Variants in PCDHA7 observed in about 807,000 individuals in gnomAD.
The protein encoded by PCDHA7 is protocadherin alpha 7.
A neutral mutation model predicts 57.2 loss-of-function variants in PCDHA7; 37 were observed. The ratio of observed to expected loss-of-function variants is 0.65; its 90% CI spans 0.50 to 0.85. PCDHA7 has a LOEUF of 0.85. Ranked by LOEUF, PCDHA7 falls within the 40% of genes least tolerant of loss-of-function variation. PCDHA7 has a pLI of 0.00. For synonymous variants in PCDHA7, 553 were observed against 558.8 expected, an observed-to-expected ratio of 0.99 and a Z score of 0.15; for missense variants, 1,188 against 1,241.8, an observed-to-expected ratio of 0.96 and a Z score of 0.65.
chr5:140,854,556 T>C (rs1400864251), intron 1 of PCDHA7: 1 of 150,002 alleles, frequency 6.7e-6, no homozygotes, highest in African/African-American at 2.4e-5. Flanking sequence ...TTCATAAATA[T>C]TGTTGCTCTG....
At chr5:140,863,412 G>A (rs1226445956) in intron 1 of PCDHA7, 2 of 735,306 alleles carry the variant, frequency 2.7e-6, no homozygotes, top group Non-Finnish European at 4.6e-6. Flanking sequence ...CCACGCTGGT[G>A]TACCGCAGCG....
At chr5:140,850,731 G>A (rs1366939358) in intron 1 of PCDHA7, 3 of 1,597,906 alleles carry the variant, frequency 1.9e-6, no homozygotes, top group Non-Finnish European at 2.6e-6. Flanking sequence ...TAGCGCGGTG[G>A]GGAGTTGGTC....
intron 2 of PCDHA7, among the ~76,000 whole-genome samples, chr5:140,979,611 C>T (rs549836811): frequency 5.9e-5 from 9 of 152,266 alleles, no homozygotes; most frequent in South Asian, 2.1e-4. Flanking sequence ...CCTAGAGTAA[C>T]GGTATTAGTC....
chr5:140,941,564 C>T (rs1352264408), intron 1 of PCDHA7, among the ~76,000 whole-genome samples: 2 of 151,992 alleles, frequency 1.3e-5, no homozygotes, highest in Non-Finnish European at 2.9e-5. Flanking sequence ...ATCCATTCGC[C>T]TCAGCCTCCC....
At position 140,940,270 on chromosome 5, in the gene PCDHA7, G is replaced by A. The variant is rs1236320412; in HGVS notation, c.2356-38679G>A. Among the ~76,000 whole-genome samples, 4 of 152,094 alleles carry A rather than the reference G, an allele frequency of 2.6e-5. No homozygotes were observed. In the East Asian group the frequency reaches 7.7e-4, roughly 29 times the overall value. ...TCCTCAATATCTTCTGGGTTCCACT[G>A]TTGTCTCATTGTGCTGCTTCATCAG... On this transcript the variant is annotated intron_variant, in intron 1 of 3. Transcript: ENST00000525929.
intron 1 of PCDHA7, chr5:140,929,179 G>C: frequency 6.2e-7 from 1 of 1,614,104 alleles, no homozygotes. Context: ...TCTGGGACTT[G>C]GTTCTGATAA....
chr5:140,982,254 T>C (rs1275431812), intron 2 of PCDHA7: 9 of 774,802 alleles, frequency 1.2e-5, no homozygotes, highest in Non-Finnish European at 1.5e-5. Flanking sequence ...AGATAGAACA[T>C]GTGTGTTCCT....
At chr5:140,935,796 G>A (rs2090564598) in intron 1 of PCDHA7, among the ~76,000 whole-genome samples, 2 of 150,224 alleles carry the variant, frequency 1.3e-5, no homozygotes, top group African/African-American at 2.5e-5. Flanking sequence ...AAATATAAAC[G>A]AGATTATTTC....
intron 3 of PCDHA7, among the ~76,000 whole-genome samples, chr5:141,003,915 C>T (rs2153979429): frequency 6.6e-6 from 1 of 152,298 alleles, no homozygotes; most frequent in African/African-American, 2.4e-5. Context: ...GTCTTGACTG[C>T]ATCCTCAGTC....
chr5:140,951,841 AAAAGTCC>A (rs1266500275), intron 1 of PCDHA7, among the ~76,000 whole-genome samples: 1 of 152,182 alleles, frequency 6.6e-6, no homozygotes, highest in African/African-American at 2.4e-5. Context: ...GCATTAAGCC[AAAAGTCC>A]AAAGTCCAAA....
At position 140,836,004 on chromosome 5, in the gene PCDHA7, G is replaced by A; in HGVS notation, c.1621G>A (p.Gly541Ser). ...LQFQVSARDAGVPPLGSNVTL... is the reference protein window; with the variant it reads ...LQFQVSARDASVPPLGSNVTL... ...GTTCCAGGTGAGCGCGCGCGATGCG[G>A]GCGTGCCGCCTCTGGGCAGCAACGT... The change falls in exon 1 of 4, where the codon GGC (glycine) becomes AGC (serine). Residue 541 changes from glycine (G) to serine (S), a missense_variant. Transcript: ENST00000525929. The A allele has an allele frequency of 1.2e-6, 2 of 1,613,392 alleles. No individual in the cohort carries two copies. Among genetic ancestry groups the A allele is most frequent in the Non-Finnish European group, 1.7e-6 (2 of 1,179,730 alleles).
At chr5:140,966,730 C>T in intron 1 of PCDHA7, 1 of 1,405,456 alleles carries the variant, frequency 7.1e-7, no homozygotes, top group Non-Finnish European at 9.2e-7. Context: ...CTGCCGCCTC[C>T]GGCCCTGCCC....
At chr5:140,996,302 CAA>C (rs2097720989) in intron 3 of PCDHA7, among the ~76,000 whole-genome samples, 1 of 152,274 alleles carries the variant, frequency 6.6e-6, no homozygotes, top group Non-Finnish European at 1.5e-5. Flanking sequence ...CAGATTGTAA[CAA>C]AGTAAGGGGG....
intron 1 of PCDHA7, chr5:140,882,409 C>A: frequency 6.2e-7 from 1 of 1,614,158 alleles, no homozygotes; most frequent in Non-Finnish European, 8.5e-7. Flanking sequence ...TCGTGGGCCG[C>A]ATCGCTCAGG....
intron 1 of PCDHA7, chr5:140,883,883 G>A (rs1554180418): frequency 1.2e-6 from 2 of 1,613,320 alleles, no homozygotes; most frequent in South Asian, 1.1e-5. Flanking sequence ...GAGCGCGCGC[G>A]ACTCTGGCGT....
rs780758944 is a variant in PCDHA7 at position 140,904,284 on chromosome 5, T to G, written c.2355+67546T>G. Among the ~76,000 whole-genome samples the G allele has an allele frequency of 1.3e-3, 196 of 152,216 alleles. 3 individuals carry two copies. The highest frequency in any genetic ancestry group is 1.2e-3 in the Non-Finnish European group (83 of 68,010). ...CACTTATGAATGAGAACATGTGGTG[T>G]TTGGTTTTCCATTCCTGAGTTTCTT... On this transcript the variant is annotated intron_variant, in intron 1 of 3. Transcript: ENST00000525929.
intron 1 of PCDHA7, chr5:140,876,441 T>C (rs1582281358): frequency 6.2e-7 from 1 of 1,613,992 alleles, no homozygotes; most frequent in East Asian, 2.2e-5. Flanking sequence ...TTAACGCCAT[T>C]GATAAAGGGA....
intron 1 of PCDHA7, chr5:140,841,275 A>G: frequency 6.5e-7 from 1 of 1,534,690 alleles, no homozygotes; most frequent in Non-Finnish European, 8.8e-7. Context: ...ACAGTCGTTC[A>G]TCTTTATATT....
chr5:140,893,297 A>G (rs553139850), intron 1 of PCDHA7, among the ~76,000 whole-genome samples: 4 of 152,154 alleles, frequency 2.6e-5, no homozygotes, highest in South Asian at 2.1e-4. Context: ...TGGTAGTTCT[A>G]TTTGTAGTTT....
Sources: allele counts gnomAD v4.1 joint callset (sites outside exome capture counted in the v4.1 genomes callset), GRCh38; gene constraint gnomAD v4.1.1; transcripts MANE v1.5; gene names NCBI Gene and HGNC (gene_info 2026-07-23, HGNC 2026-07-21).